The following HPD variants were observed in gnomAD, a reference collection of about 807,000 sequenced individuals.
The protein encoded by HPD is 4-hydroxyphenylpyruvate dioxygenase.
Under a neutral mutation model 56.9 loss-of-function variants are expected in HPD, and 35 were observed. The ratio of observed to expected loss-of-function variants is 0.62; its 90% CI spans 0.47 to 0.82. The LOEUF (loss-of-function observed/expected upper bound fraction) is 0.82, where lower values mean the gene tolerates loss of function less well. Ranked by LOEUF, HPD falls within the 40% of genes least tolerant of loss-of-function variation. The pLI is 0.00. For missense variants in HPD, 442 were observed against 506.8 expected (o/e 0.87, Z 1.23); for synonymous variants, 186 against 200.2 (o/e 0.93, Z 0.60).
At chr12:121,843,960 T>A in intron 11 of HPD, 128 bp from the exon 12 acceptor site, 1 of 1,035,320 alleles carries the variant, frequency 9.7e-7, no homozygotes, top group Non-Finnish European at 1.5e-6. Context: ...GGATGCTGTG[T>A]GGCCTCTTCC....
rs113922752 is a variant in HPD, at chr12:121,849,064, A to G, written c.531T>C (p.Ser177=). 4.1e-5 allele frequency: 66 copies of G among 1,613,552 alleles called. No individual in the cohort carries two copies. The African/African-American group carries it at 5.6e-4, about 14-fold the overall frequency. The change falls in exon 9 of 14, where the codon AGT becomes AGC. Residue 177 remains serine (S), a synonymous_variant. Transcript: ENST00000289004. ...DPLLPKLPKC[S]LEMIDHIVGN... Reference sequence around the variant, plus strand: ...CCACAATGTGGTCGATCATCTCCAGACTGCATTTGGGCCTGGGAAGGGAAG... The same window carrying G: ...CCACAATGTGGTCGATCATCTCCAGGCTGCATTTGGGCCTGGGAAGGGAAG...
the HPD span, among the ~76,000 whole-genome samples, chr12:121,882,251 A>G: frequency 6.6e-6 from 1 of 151,976 alleles, no homozygotes; most frequent in South Asian, 2.1e-4. Context: ...TGAAACATGG[A>G]AAGTGTGGTG....
At chr12:121,850,778 A>T (rs976664635) in intron 7 of HPD, among the ~76,000 whole-genome samples, 1 of 145,528 alleles carries the variant, frequency 6.9e-6, no homozygotes, top group Non-Finnish European at 1.5e-5. Flanking sequence ...GGCTCTCTGC[A>T]ACCTCCGCCT....
the HPD span, among the ~76,000 whole-genome samples, chr12:121,872,767 G>A: frequency 1.3e-5 from 2 of 151,852 alleles, no homozygotes; most frequent in Non-Finnish European, 2.9e-5. Context: ...ATGCTGCACT[G>A]ATCCAGTGGT....
chr12:121,888,544 T>C, the HPD span, among the ~76,000 whole-genome samples: 2 of 152,256 alleles, frequency 1.3e-5, no homozygotes, highest in South Asian at 2.1e-4. Flanking sequence ...AATAAATGTC[T>C]GCTGCACGAA....
the HPD span, among the ~76,000 whole-genome samples, chr12:121,884,034 A>T: frequency 6.6e-6 from 1 of 152,062 alleles, no homozygotes; most frequent in Non-Finnish European, 1.5e-5. Flanking sequence ...CTTAACACTG[A>T]TATACTATAA....
chr12:121,884,247 T>C, the HPD span, among the ~76,000 whole-genome samples: 11 of 150,906 alleles, frequency 7.3e-5, no homozygotes, highest in Non-Finnish European at 2.9e-5. Flanking sequence ...CGCCGCTCAC[T>C]GCAACCTCTG....
Position 121,839,748 on chromosome 12 carries a change from C to A in HPD, c.1162G>T (p.Gly388Trp). The A allele has an allele frequency of 7.4e-6, 12 of 1,613,500 alleles. No individual in the cohort carries two copies. Among genetic ancestry groups the A allele is most frequent in the Non-Finnish European group, 1.0e-5 (12 of 1,179,410 alleles). The change falls in exon 14 of 14, where the codon GGG (glycine) becomes TGG (tryptophan). Residue 388 changes from glycine (G) to tryptophan (W), a missense_variant. Transcript: ENST00000289004. ...RGNLTNMETN[G>W]VVPGM ...GGGGCTTACATGCCGGGCACCACCC[C>A]ATTGGTCTCCATGTTGGTGAGGTTA...
chr12:121,884,854 G>A, the HPD span, among the ~76,000 whole-genome samples: 11 of 152,024 alleles, frequency 7.2e-5, no homozygotes, highest in South Asian at 6.2e-4. Flanking sequence ...ACATTTTGCC[G>A]TATTTACTTT....
chr12:121,878,602 G>C, the HPD span, among the ~76,000 whole-genome samples: 1 of 151,996 alleles, frequency 6.6e-6, no homozygotes, highest in Admixed American at 6.6e-5. Flanking sequence ...ACCCACCTCA[G>C]CCTCCCAAAG....
At chr12:121,870,922 A>G in the HPD span, among the ~76,000 whole-genome samples, 19 of 152,028 alleles carry the variant, frequency 1.2e-4, no homozygotes, top group Non-Finnish European at 2.2e-4. Flanking sequence ...GTAGAGATGC[A>G]ACGTGATCAG....
chr12:121,864,554 TAA>T (rs11412457), upstream of HPD, among the ~76,000 whole-genome samples: 4 of 130,934 alleles, frequency 3.1e-5, no homozygotes, highest in Non-Finnish European at 4.8e-5. Flanking sequence ...CCCTGACTAT[TAA>T]AAAAAAAAAA....
rs1877710041 is a variant in HPD at position 121,849,904 on chromosome 12, C to G, written c.415-114G>C. ...GTTCCAACCTGCATCTGACCCTAACCAGATGCGTGATCTTGGGTAAGTCAC... is the reference window on the plus strand; with the variant it reads ...GTTCCAACCTGCATCTGACCCTAACGAGATGCGTGATCTTGGGTAAGTCAC... On this transcript the variant is annotated intron_variant, in intron 7 of 13. Coordinates refer to ENST00000289004, the MANE Select transcript of HPD (RefSeq NM_002150.3). The G allele has an allele frequency of 2.0e-5, 14 of 714,784 alleles. No homozygotes were observed. The Admixed American group carries it at 2.6e-4, about 13-fold the overall frequency. The allele number at this position is 714,784 out of a possible 1,614,324, so 44.3% of individuals were successfully genotyped here.
chr12:121,847,082 T>C lies in HPD; in HGVS notation c.729A>G (p.Pro243=). The change falls in exon 10 of 14, where the codon CCA becomes CCG. Residue 243 remains proline (P), a synonymous_variant. Transcript: ENST00000289004. ...TCTGGGACTTCTTCTTGCCAGGCGCTGGCTCATTGATGGGCATCTTGATGG... is the reference window on the plus strand; with the variant it reads ...TCTGGGACTTCTTCTTGCCAGGCGCCGGCTCATTGATGGGCATCTTGATGG... ...EESIKMPINE[P]APGKKKSQIQ... 6.2e-7 allele frequency: 1 copy of C among 1,614,184 alleles called. No individual in the cohort carries two copies. The highest frequency in any genetic ancestry group is 1.1e-5 in the South Asian group (1 of 91,084).
Position 121,847,123 on chromosome 12 carries a change from C to CCACCA in HPD, c.683_687dup (p.Ala230TrpfsTer54). 6.2e-7 allele frequency: 1 copy of CCACCA among 1,614,190 alleles called. No homozygotes were observed. The highest frequency in any genetic ancestry group is 8.5e-7 in the Non-Finnish European group (1 of 1,180,030). ...ATCTTGATGGACTCTTCATAGTTGG[C>CCACCA]CACCACAATGGATCGCAGAGAGCTA... On this transcript the variant is annotated frameshift_variant, in exon 10 of 14. Transcript: ENST00000289004. LOFTEE classifies it high-confidence loss of function.
At chr12:121,840,624 A>T (rs546107955) in intron 12 of HPD, among the ~76,000 whole-genome samples, 1 of 152,246 alleles carries the variant, frequency 6.6e-6, no homozygotes, top group Admixed American at 6.5e-5. Context: ...AAGTCGGATC[A>T]TGTCATTCCC....
chr12:121,880,395 C>T, the HPD span, among the ~76,000 whole-genome samples: 2 of 152,052 alleles, frequency 1.3e-5, no homozygotes, highest in African/African-American at 4.8e-5. Flanking sequence ...GGGGTTTCAC[C>T]ATCTTGGCCA....
At chr12:121,884,201 C>T in the HPD span, among the ~76,000 whole-genome samples, 2 of 139,930 alleles carry the variant, frequency 1.4e-5, no homozygotes, top group African/African-American at 5.3e-5. Flanking sequence ...GACGGAGTTT[C>T]GCTCTGTCGC....
chr12:121,856,651 G>C (rs1346341119), intron 4 of HPD, 26 bp from the exon 5 acceptor site: 1 of 1,612,764 alleles, frequency 6.2e-7, no homozygotes, highest in African/African-American at 1.3e-5. Flanking sequence ...AAGGAGGTGA[G>C]GCTAGTGGCT....
Sources: gnomAD v4.1 joint callset for allele counts (sites outside exome capture counted in the v4.1 genomes callset) on GRCh38, gnomAD v4.1.1 for gene constraint, MANE v1.5 for transcripts, NCBI Gene and HGNC (gene_info 2026-07-23, HGNC 2026-07-21) for gene names.